The following FAM120A variants were observed in gnomAD, a reference collection of about 807,000 sequenced individuals.
FAM120A encodes constitutive coactivator of PPAR-gamma-like protein 1.
A neutral mutation model predicts 109.7 loss-of-function variants in FAM120A; 15 were observed. The observed-to-expected ratio is 0.14, with a 90% confidence interval of 0.09 to 0.21. The LOEUF is 0.21. Among genes scored for constraint, FAM120A ranks in the 10% least tolerant of loss-of-function variants. The pLI is 1.00. For missense variants in FAM120A, 899 were observed against 1,439.3 expected (o/e 0.62, Z 6.07); for synonymous variants, 493 against 572.8 (o/e 0.86, Z 1.99).
Position 93,558,691 on chromosome 9 carries a change from A to G in FAM120A, c.2779A>G (p.Ser927Gly). 1.2e-6 allele frequency: 2 copies of G among 1,614,106 alleles called. No homozygotes were observed. The highest frequency in any genetic ancestry group is 1.7e-6 in the Non-Finnish European group (2 of 1,180,008). The change falls in exon 15 of 18, where the codon AGC becomes GGC. Residue 927 changes from serine to glycine, a missense_variant. Transcript: ENST00000277165. ...CTGCGGAGCCTTCTCAGGCAGTGAC[A>G]GCAGCAGGACTAGCAAGTCCCAGGG... ...GHCGAFSGSDSSRTSKSQGGV... is the reference protein window; with the variant it reads ...GHCGAFSGSDGSRTSKSQGGV...
chr9:93,455,337 G>T (rs946074449), intron 1 of FAM120A, among the ~76,000 whole-genome samples: 3 of 152,196 alleles, frequency 2.0e-5, no homozygotes, highest in Middle Eastern at 3.2e-3. Flanking sequence ...GGTGCTGAGA[G>T]TAGAGGAGGG....
chr9:93,496,069 A>G (rs1859563145), intron 3 of FAM120A, among the ~76,000 whole-genome samples: 1 of 152,202 alleles, frequency 6.6e-6, no homozygotes, highest in African/African-American at 2.4e-5. Flanking sequence ...AGGATTTATC[A>G]TGAGATTTCA....
At chr9:93,520,249 G>T (rs1860789728) in intron 7 of FAM120A, among the ~76,000 whole-genome samples, 1 of 152,098 alleles carries the variant, frequency 6.6e-6, no homozygotes. Context: ...CTACTCGGGA[G>T]GCTGAGGTGG....
In FAM120A at chr9:93,550,645, C is replaced by T; in HGVS notation, c.2228C>T (p.Ala743Val). ...GAGCTAGATGCCTTCCTGGCTCAGG[C>T]GCTGTCCCCCAAACTCTACGAGCCT... is the stretch of plus-strand genomic sequence containing the variant. Reference protein sequence around the residue: ...RQELDAFLAQALSPKLYEPDQ... With the variant: ...RQELDAFLAQVLSPKLYEPDQ... Residue 743 changes from alanine to valine, a missense_variant, in exon 12 of 18, where the codon GCG becomes GTG. Transcript: ENST00000277165. 1.2e-6 allele frequency: 2 copies of T among 1,613,914 alleles called. No homozygotes were observed. The highest frequency in any genetic ancestry group is 2.2e-5 in the East Asian group (1 of 44,886).
intron 3 of FAM120A, among the ~76,000 whole-genome samples, chr9:93,477,721 C>A (rs1396489943): frequency 6.6e-6 from 1 of 152,168 alleles, no homozygotes; most frequent in South Asian, 2.1e-4. Flanking sequence ...TGAGATACTC[C>A]CAAGGTTTCT....
intron 5 of FAM120A, among the ~76,000 whole-genome samples, chr9:93,513,779 C>A (rs1860445078): frequency 1.3e-5 from 2 of 152,208 alleles, no homozygotes; most frequent in African/African-American, 2.4e-5. Flanking sequence ...GCTTGGCTCT[C>A]AGGAGGCCGG....
At chr9:93,456,371 T>A (rs1398621877) in intron 1 of FAM120A, among the ~76,000 whole-genome samples, 1 of 152,254 alleles carries the variant, frequency 6.6e-6, no homozygotes, top group Non-Finnish European at 1.5e-5. Flanking sequence ...TTTGCTTCCA[T>A]TGGAATTTTG....
At chr9:93,458,773 C>T (rs574535936) in intron 1 of FAM120A, among the ~76,000 whole-genome samples, 88 of 152,200 alleles carry the variant, frequency 5.8e-4, no homozygotes, top group Admixed American at 1.6e-3. Context: ...CCTACCCCCG[C>T]GCCCCAGTGG....
At chr9:93,528,762 A>G (rs1166442028) in intron 8 of FAM120A, among the ~76,000 whole-genome samples, 2 of 152,108 alleles carry the variant, frequency 1.3e-5, no homozygotes, top group African/African-American at 4.8e-5. Flanking sequence ...GCTTGTGTAT[A>G]ATTAACTTAG....
intron 3 of FAM120A, among the ~76,000 whole-genome samples, chr9:93,482,909 C>T (rs972324375): frequency 6.6e-6 from 1 of 152,116 alleles, no homozygotes; most frequent in African/African-American, 2.4e-5. Context: ...CTAGAGGTCC[C>T]AGTAGGTCTC....
chr9:93,451,901 G>T lies in FAM120A; in HGVS notation c.-15G>T. ...GCCCCCCGCCCGCACCCGCGCCCGC[G>T]CCCCCGCCGCCGCCATGGGCGTGCA... is the stretch of plus-strand genomic sequence containing the variant. On this transcript the variant is annotated 5_prime_UTR_variant, in exon 1 of 18. Coordinates refer to ENST00000277165, the MANE Select transcript of FAM120A (RefSeq NM_014612.5). 1 of 1,243,758 alleles carries T rather than the reference G, an allele frequency of 8.0e-7. No homozygotes were observed. Among genetic ancestry groups the T allele is most frequent in the Non-Finnish European group, 1.0e-6 (1 of 996,816 alleles). 77.0% of individuals were successfully genotyped at this position (1,243,758 alleles called of 1,614,324 possible).
intron 3 of FAM120A, among the ~76,000 whole-genome samples, chr9:93,494,289 A>G (rs1217361842): frequency 6.6e-6 from 1 of 152,182 alleles, no homozygotes; most frequent in African/African-American, 2.4e-5. Context: ...TCTTTCCTTC[A>G]GGACATTTGA....
At chr9:93,482,145 C>A (rs544899402) in intron 3 of FAM120A, among the ~76,000 whole-genome samples, 2 of 150,512 alleles carry the variant, frequency 1.3e-5, no homozygotes, top group Non-Finnish European at 3.0e-5. Flanking sequence ...CGGGGGCAAT[C>A]TATCAGGCTG....
intron 7 of FAM120A, among the ~76,000 whole-genome samples, chr9:93,519,229 A>G (rs1335287649): frequency 6.6e-6 from 1 of 152,100 alleles, no homozygotes; most frequent in Non-Finnish European, 1.5e-5. Flanking sequence ...AGAAATGTTT[A>G]TATATATGTA....
intron 11 of FAM120A, among the ~76,000 whole-genome samples, chr9:93,544,007 GTAT>G (rs1363990723): frequency 1.3e-5 from 2 of 152,172 alleles, no homozygotes; most frequent in Non-Finnish European, 2.9e-5. Context: ...TCAAAATATG[GTAT>G]TATAATCTTA....
chr9:93,457,832 C>T (rs12344021), intron 1 of FAM120A, among the ~76,000 whole-genome samples: 4,020 of 150,014 alleles, frequency 0.027, 171 homozygotes, highest in African/African-American at 0.093. Context: ...AAAATTAAAC[C>T]TATCAAAAAC....
chr9:93,480,528 C>G (rs939926867), intron 3 of FAM120A, among the ~76,000 whole-genome samples: 16 of 152,108 alleles, frequency 1.1e-4, no homozygotes, highest in African/African-American at 3.9e-4. Context: ...ACACCCAAGC[C>G]TGAGGCTGCG....
In FAM120A at chr9:93,498,921, A is replaced by G. The variant is rs1859687056; in HGVS notation, c.1030+35A>G. 1 of 1,184,148 alleles carries G rather than the reference A, an allele frequency of 8.4e-7. No homozygotes were observed. Among genetic ancestry groups the G allele is most frequent in the Non-Finnish European group, 1.3e-6 (1 of 791,612 alleles). 73.4% of individuals were successfully genotyped at this position (1,184,148 alleles called of 1,614,324 possible). A position where few individuals can be genotyped will look rare whatever the true frequency, so the allele number is the denominator to read the frequency against. ...TAAAAGCCTGTGATCAATATTGACC[A>G]TATGATAATCCAAGTAGGTTTAAAT... On this transcript the variant is annotated intron_variant, in intron 5 of 17. Coordinates refer to ENST00000277165, the MANE Select transcript of FAM120A (RefSeq NM_014612.5). The surrounding 1 kb of genome is among the most constrained non-coding windows in gnomAD (Gnocchi z 4.4).
At chr9:93,463,402 A>C (rs760746107) in intron 1 of FAM120A, among the ~76,000 whole-genome samples, 1 of 152,230 alleles carries the variant, frequency 6.6e-6, no homozygotes, top group African/African-American at 2.4e-5. Flanking sequence ...TTATTCAGCT[A>C]TGATTTCAGC....
Sources: gnomAD v4.1 joint callset for allele counts (sites outside exome capture counted in the v4.1 genomes callset) on GRCh38, gnomAD v4.1.1 for gene constraint, Gnocchi (gnomAD v3.1) non-coding constraint, MANE v1.5 for transcripts, NCBI Gene and HGNC (gene_info 2026-07-23, HGNC 2026-07-21) for gene names.